SNX9: variants seen among roughly 807,000 people sequenced by gnomAD.
The protein encoded by SNX9 is sorting nexin 9, also known as sorting nexin-9.
In SNX9, 44 loss-of-function variants were observed where a neutral mutation model predicts 89.4. The observed-to-expected ratio is 0.49, with a 90% CI of 0.39 to 0.63. The LOEUF (loss-of-function observed/expected upper bound fraction) is 0.63, where lower values mean the gene tolerates loss of function less well. Among genes scored for constraint, SNX9 ranks in the 30% least tolerant of loss-of-function variants. The pLI, the probability that SNX9 is intolerant of heterozygous loss-of-function variation, is 0.00. For missense variants in SNX9, 578 were observed against 736.1 expected (o/e 0.79, Z 2.49); for synonymous variants, 236 against 247.8 (o/e 0.95, Z 0.45).
chr6:157,921,469 G>A, intron 9 of SNX9, 62 bp from the exon 10 acceptor site: 1 of 1,559,582 alleles, frequency 6.4e-7, no homozygotes, highest in Non-Finnish European at 8.7e-7. Flanking sequence ...TTCAGTTACA[G>A]TATGGTAACA....
intron 4 of SNX9, among the ~76,000 whole-genome samples, chr6:157,879,104 C>T (rs1270808507): frequency 6.6e-6 from 1 of 152,162 alleles, no homozygotes; most frequent in African/African-American, 2.4e-5. Context: ...GGGGCTGGTT[C>T]GGTAATGTAT....
At chr6:157,915,005 A>G (rs1783431998) in intron 9 of SNX9, among the ~76,000 whole-genome samples, 1 of 151,636 alleles carries the variant, frequency 6.6e-6, no homozygotes, top group African/African-American at 2.4e-5. Context: ...TTTTTTTTTC[A>G]CATCGGGATA....
At position 157,883,620 on chromosome 6, in the gene SNX9, T is replaced by C. The variant is rs536924260; in HGVS notation, c.300+8444T>C. 1.1e-4 allele frequency among the ~76,000 whole-genome samples: 16 copies of C among 152,254 alleles called. 1 individual carries two copies. Among genetic ancestry groups the C allele is most frequent in the Admixed American group, 9.2e-4 (14 of 15,300 alleles). ...TGTGGCTACCCATCATCACCTTATC[T>C]TTAAGTTATGTATTTGTCTCCAGGC... is the stretch of plus-strand genomic sequence containing the variant. On this transcript the variant is annotated intron_variant, in intron 4 of 17. Transcript: ENST00000392185.
chr6:157,874,912 T>C, intron 3 of SNX9, 139 bp from the exon 4 acceptor site: 1 of 839,702 alleles, frequency 1.2e-6, no homozygotes, highest in Non-Finnish European at 1.7e-6. Flanking sequence ...AATATGAGTA[T>C]GCGGCAAAAG....
intron 1 of SNX9, among the ~76,000 whole-genome samples, chr6:157,857,943 C>CGTGGTTCTT (rs1782044420): frequency 6.6e-6 from 1 of 152,118 alleles, no homozygotes; most frequent in Non-Finnish European, 1.5e-5. Context: ...ACTGACAATG[C>CGTGGTTCTT]GTGGTTCTTG....
At chr6:157,895,973 C>A (rs374418898) in intron 4 of SNX9, among the ~76,000 whole-genome samples, 1 of 152,202 alleles carries the variant, frequency 6.6e-6, no homozygotes. Flanking sequence ...TTAACCCTTA[C>A]GAAAAAGTAA....
intron 17 of SNX9, 115 bp downstream of exon 17, chr6:157,941,089 A>G: frequency 1.1e-6 from 1 of 884,034 alleles, no homozygotes; most frequent in Non-Finnish European, 1.7e-6. Context: ...TAATAAACCA[A>G]AGGAGCCTAA....
intron 1 of SNX9, among the ~76,000 whole-genome samples, chr6:157,827,226 T>C (rs1781384967): frequency 1.6e-4 from 4 of 24,388 alleles, no homozygotes; most frequent in African/African-American, 4.1e-4. Context: ...GTTTATATAA[T>C]ATATAAACAT....
chr6:157,843,858 T>C (rs1191874142), intron 1 of SNX9, among the ~76,000 whole-genome samples: 1 of 151,652 alleles, frequency 6.6e-6, no homozygotes, highest in Non-Finnish European at 1.5e-5. Flanking sequence ...TTTAAAAAAT[T>C]ATTTCCCATT....
rs1227352389 is a variant in SNX9 at position 157,834,149 on chromosome 6, GGTTT to G, written c.12+10704_12+10707del. 5.0e-4 allele frequency among the ~76,000 whole-genome samples: 30 copies of G among 60,064 alleles called. 3 individuals are homozygous for G. The highest frequency in any genetic ancestry group is 8.0e-4 in the African/African-American group (12 of 15,082). 39.4% of individuals were successfully genotyped at this position (60,064 alleles called of 152,430 possible). A position where few individuals can be genotyped will look rare whatever the true frequency, so the allele number is the denominator to read the frequency against. On this transcript the variant is annotated intron_variant, in intron 1 of 17. Transcript: ENST00000392185. ...GATCCTGCCATGTGGTGTCCACTGT[GGTTT>G]TTTTTTTTTTTTTTTTTTTTTTTTT...
chr6:157,921,098 C>G (rs571198491), intron 9 of SNX9, among the ~76,000 whole-genome samples: 1 of 152,362 alleles, frequency 6.6e-6, no homozygotes, highest in African/African-American at 2.4e-5. Context: ...GTAAGAATGA[C>G]ATTAAATTCC....
At chr6:157,903,036 A>T (rs1783139071) in intron 6 of SNX9, among the ~76,000 whole-genome samples, 1 of 152,192 alleles carries the variant, frequency 6.6e-6, no homozygotes, top group Admixed American at 6.5e-5. Flanking sequence ...GGCACCAGTG[A>T]CCACTGTAGG....
intron 1 of SNX9, among the ~76,000 whole-genome samples, chr6:157,857,948 T>G (rs1447256267): frequency 6.6e-6 from 1 of 152,170 alleles, no homozygotes; most frequent in Non-Finnish European, 1.5e-5. Context: ...CAATGCGTGG[T>G]TCTTGTGGTC....
intron 4 of SNX9, among the ~76,000 whole-genome samples, chr6:157,890,865 C>T (rs1782843175): frequency 6.6e-6 from 1 of 152,062 alleles, no homozygotes; most frequent in African/African-American, 2.4e-5. Flanking sequence ...ATATACCCAC[C>T]TTCTAGATTT....
chr6:157,915,658 C>CACATATATATATATAT (rs1554296804), intron 9 of SNX9, among the ~76,000 whole-genome samples: 1 of 110,986 alleles, frequency 9.0e-6, no homozygotes, highest in Admixed American at 8.6e-5. Context: ...TATATATATA[C>CACATATATATATATAT]ACACACACAC....
intron 4 of SNX9, among the ~76,000 whole-genome samples, chr6:157,882,845 A>G (rs897155994): frequency 6.6e-6 from 1 of 152,232 alleles, no homozygotes; most frequent in African/African-American, 2.4e-5. Flanking sequence ...TGAGGATGCT[A>G]TGAACATTGT....
chr6:157,851,116 G>A (rs1317234040), intron 1 of SNX9, among the ~76,000 whole-genome samples: 2 of 151,728 alleles, frequency 1.3e-5, no homozygotes, highest in East Asian at 1.9e-4. Flanking sequence ...AAATTAGTGG[G>A]GCATGGTGGC....
chr6:157,931,712 C>T (rs1211101000), intron 12 of SNX9, among the ~76,000 whole-genome samples: 1 of 152,152 alleles, frequency 6.6e-6, no homozygotes, highest in Non-Finnish European at 1.5e-5. Context: ...CATTTATGCA[C>T]CTGTAACAGA....
intron 16 of SNX9, among the ~76,000 whole-genome samples, chr6:157,939,263 G>A (rs894872627): frequency 6.6e-6 from 1 of 152,160 alleles, no homozygotes; most frequent in African/African-American, 2.4e-5. Context: ...AATGGAGAGC[G>A]TGTTCTGTTA....
Sources: allele counts gnomAD v4.1 joint callset (sites outside exome capture counted in the v4.1 genomes callset), GRCh38; gene constraint gnomAD v4.1.1; transcripts MANE v1.5; gene names NCBI Gene and HGNC (gene_info 2026-07-23, HGNC 2026-07-21).